Variants in NTNG2 observed in about 807,000 individuals in gnomAD.
The protein encoded by NTNG2 is netrin-G2.
In NTNG2, 15 loss-of-function variants were observed where a neutral mutation model predicts 47.6. The observed-to-expected ratio is 0.32, with a 90% CI of 0.21 to 0.49. The LOEUF (loss-of-function observed/expected upper bound fraction) is 0.49. NTNG2 is among the 20% of genes least tolerant of loss of function. NTNG2 has a pLI of 0.99. For synonymous variants in NTNG2, 307 were observed against 324.6 expected, an observed-to-expected ratio of 0.95 and a Z score of 0.58; for missense variants, 578 against 764.6, an observed-to-expected ratio of 0.76 and a Z score of 2.88.
rs781430143 is a variant in NTNG2 at position 132,198,256 on chromosome 9, C to T, written c.504C>T (p.Ala168=). 1.9e-6 allele frequency: 3 copies of T among 1,612,868 alleles called. No homozygotes were observed. The highest frequency in any genetic ancestry group is 2.2e-5 in the East Asian group (1 of 44,896). ...GRTWQPYQFY[A]EDCMEAFGMS... ...CCTGGCAGCCCTACCAGTTCTACGC[C>T]GAGGACTGCATGGAGGCCTTCGGTA... Residue 168 remains alanine (A), a synonymous_variant, in exon 3 of 8, where the codon GCC becomes GCT. Coordinates refer to ENST00000393229, the MANE Select transcript of NTNG2 (RefSeq NM_032536.4).
intron 2 of NTNG2, among the ~76,000 whole-genome samples, chr9:132,193,286 A>G (rs1249657038): frequency 6.6e-6 from 1 of 152,218 alleles, no homozygotes; most frequent in Admixed American, 6.5e-5. Context: ...TAATAAGTAT[A>G]ATTGAGTGAG....
chr9:132,233,923 AG>A (rs370647474), intron 5 of NTNG2: 146 of 152,264 alleles, frequency 9.6e-4, no homozygotes, highest in African/African-American at 2.8e-3. Context: ...TCAAGGTCTC[AG>A]AATTATGGAG....
chr9:132,221,295 T>C lies in NTNG2; in HGVS notation c.858-5554T>C, dbSNP rs1408953685. Among the ~76,000 whole-genome samples the C allele has an allele frequency of 1.3e-5, 2 of 152,038 alleles. No homozygotes were observed. Among genetic ancestry groups the C allele is most frequent in the Non-Finnish European group, 2.9e-5 (2 of 68,008 alleles). ...CCCAGAGAAAAGCAAGATCAGAACA[T>C]CTGCTGGACAGAGACATGGAGAGAG... On this transcript the variant is annotated intron_variant, in intron 3 of 7. Transcript: ENST00000393229. The surrounding 1 kb of genome is among the most constrained non-coding windows in gnomAD (Gnocchi z 4.2).
chr9:132,235,349 C>T (rs1019503326), intron 5 of NTNG2, among the ~76,000 whole-genome samples: 10 of 152,176 alleles, frequency 6.6e-5, no homozygotes, highest in Admixed American at 1.3e-4. Flanking sequence ...AGAACGGGGA[C>T]GGCACAGGGA....
chr9:132,209,060 C>T (rs1839388956), intron 3 of NTNG2, among the ~76,000 whole-genome samples: 1 of 152,168 alleles, frequency 6.6e-6, no homozygotes, highest in Non-Finnish European at 1.5e-5. Flanking sequence ...CACTGCACAC[C>T]GTGGTCTGTT....
chr9:132,175,976 T>C (rs1836413990), intron 2 of NTNG2, among the ~76,000 whole-genome samples: 1 of 152,198 alleles, frequency 6.6e-6, no homozygotes, highest in South Asian at 2.1e-4. Context: ...GGGCTCAGCA[T>C]AGCAATAATC....
intron 3 of NTNG2, among the ~76,000 whole-genome samples, chr9:132,201,268 G>GCCTGGAGCCCATGTCTC (rs1273429562): frequency 6.6e-6 from 1 of 152,258 alleles, no homozygotes; most frequent in East Asian, 1.9e-4. Flanking sequence ...GCCTGAGGCT[G>GCCTGGAGCCCATGTCTC]CCTGGAGCCC....
At chr9:132,241,536 C>G in intron 7 of NTNG2, 1 of 363,056 alleles carries the variant, frequency 2.8e-6, no homozygotes, top group Admixed American at 4.6e-5. Context: ...GGGAGGCTGT[C>G]CAAGTCGGCG....
chr9:132,213,369 T>C (rs1441575738), intron 3 of NTNG2, among the ~76,000 whole-genome samples: 1 of 145,724 alleles, frequency 6.9e-6, no homozygotes, highest in Non-Finnish European at 1.5e-5. Context: ...AAAGAAGGAC[T>C]TGAGAGGATT....
chr9:132,190,550 G>A (rs73661557), intron 2 of NTNG2, among the ~76,000 whole-genome samples: 12,079 of 152,232 alleles, frequency 0.079, 1,380 homozygotes, highest in African/African-American at 0.25. Flanking sequence ...CAGGGGCCTG[G>A]AAGTTCAAAT....
At chr9:132,177,224 C>T (rs1315126633) in intron 2 of NTNG2, among the ~76,000 whole-genome samples, 1 of 152,214 alleles carries the variant, frequency 6.6e-6, no homozygotes, top group Admixed American at 6.5e-5. Flanking sequence ...TGGCCTCAAA[C>T]GATCTGCCCG....
At chr9:132,199,540 T>G (rs1241993425) in intron 3 of NTNG2, among the ~76,000 whole-genome samples, 1 of 152,206 alleles carries the variant, frequency 6.6e-6, no homozygotes, top group Non-Finnish European at 1.5e-5. Flanking sequence ...GCAGGGATGC[T>G]TACTGAAGCC....
intron 3 of NTNG2, among the ~76,000 whole-genome samples, chr9:132,212,990 C>G (rs777906124): frequency 6.6e-6 from 1 of 152,070 alleles, no homozygotes; most frequent in African/African-American, 2.4e-5. Context: ...TTGACTCAGG[C>G]CTGGGCATAG....
chr9:132,229,539 C>T (rs1462237706), intron 4 of NTNG2, among the ~76,000 whole-genome samples: 2 of 152,206 alleles, frequency 1.3e-5, no homozygotes, highest in East Asian at 1.9e-4. Context: ...AGGACCTCCC[C>T]GTGCCCTGCC....
intron 2 of NTNG2, among the ~76,000 whole-genome samples, chr9:132,175,147 G>A (rs886367725): frequency 2.6e-5 from 4 of 152,120 alleles, no homozygotes; most frequent in South Asian, 2.1e-4. Flanking sequence ...GGGAAAGTGT[G>A]TGGGTGACAG....
intron 3 of NTNG2, among the ~76,000 whole-genome samples, chr9:132,212,690 A>G (rs1273766467): frequency 6.6e-6 from 1 of 152,068 alleles, no homozygotes; most frequent in Non-Finnish European, 1.5e-5. Context: ...CAAGTTCTCC[A>G]GCATCCAACA....
At chr9:132,234,906 C>T (rs1362176262) in intron 5 of NTNG2, among the ~76,000 whole-genome samples, 2 of 152,262 alleles carry the variant, frequency 1.3e-5, no homozygotes, top group Non-Finnish European at 2.9e-5. Context: ...TCCCCACAGC[C>T]ACCGTTGTGT....
At chr9:132,230,912 G>C (rs1244899974) in intron 5 of NTNG2, among the ~76,000 whole-genome samples, 1 of 152,144 alleles carries the variant, frequency 6.6e-6, no homozygotes, top group Non-Finnish European at 1.5e-5. Flanking sequence ...ACTTTTTGCA[G>C]GTCTCTTGGC....
chr9:132,227,080 A>G (rs923128846), intron 4 of NTNG2, 59 bp downstream of exon 4: 4 of 1,506,530 alleles, frequency 2.7e-6, no homozygotes, highest in African/African-American at 2.8e-5. Flanking sequence ...CTGCCCGTCA[A>G]TCCCAGGAGC....
Sources: allele counts gnomAD v4.1 joint callset (sites outside exome capture counted in the v4.1 genomes callset), GRCh38; gene constraint gnomAD v4.1.1; non-coding constraint Gnocchi (gnomAD v3.1); transcripts MANE v1.5; gene names NCBI Gene and HGNC (gene_info 2026-07-23, HGNC 2026-07-21).